SYNPR: variants seen among roughly 807,000 people sequenced by gnomAD.
SYNPR encodes synaptoporin.
SYNPR carries 23 observed loss-of-function variants against 32.9 expected under a neutral mutation model. The observed-to-expected ratio is 0.70, with a 90% CI of 0.50 to 0.99. The LOEUF (loss-of-function observed/expected upper bound fraction) is 0.99, where lower values mean the gene tolerates loss of function less well. SYNPR is among the 50% of genes least tolerant of loss of function. The probability of loss-of-function intolerance (pLI) is 0.00; values close to 1 mark genes in which losing one functional copy is unlikely to be tolerated. For missense variants in SYNPR, 318 were observed against 349.3 expected (o/e 0.91, Z 0.71); for synonymous variants, 146 against 135.9 (o/e 1.07, Z -0.52).
At chr3:63,303,610 A>C (rs2106944142) in intron 2 of SYNPR, among the ~76,000 whole-genome samples, 1 of 152,148 alleles carries the variant, frequency 6.6e-6, no homozygotes, top group Non-Finnish European at 1.5e-5. Context: ...TGAATCTGTA[A>C]ATATTTATAC....
At chr3:63,443,180 G>A in intron 2 of SYNPR, 2 of 1,245,054 alleles carry the variant, frequency 1.6e-6, no homozygotes, top group South Asian at 2.2e-5. Flanking sequence ...CCAGAGGGGA[G>A]TATCAGGTTC....
chr3:63,259,156 G>C (rs554456442), intron 2 of SYNPR, among the ~76,000 whole-genome samples: 1 of 152,236 alleles, frequency 6.6e-6, no homozygotes, highest in South Asian at 2.1e-4. Flanking sequence ...AGGAAGAGCT[G>C]ATACCATTCC....
chr3:63,273,645 G>T (rs1214579240), upstream of SYNPR, among the ~76,000 whole-genome samples: 2 of 151,936 alleles, frequency 1.3e-5, no homozygotes, highest in Admixed American at 1.3e-4. Context: ...AATAGTAAAA[G>T]CATTTTATAA....
intron 3 of SYNPR, among the ~76,000 whole-genome samples, chr3:63,491,069 G>C (rs1433923805): frequency 1.3e-5 from 2 of 152,070 alleles, no homozygotes; most frequent in Non-Finnish European, 2.9e-5. Context: ...CCATCACCGT[G>C]TCAGCAGTCA....
At chr3:63,500,838 T>C (rs1402005856) in intron 3 of SYNPR, among the ~76,000 whole-genome samples, 2 of 152,104 alleles carry the variant, frequency 1.3e-5, no homozygotes, top group Non-Finnish European at 2.9e-5. Flanking sequence ...TTCAAATGAG[T>C]TAACAATTAT....
chr3:63,257,787 A>C (rs1339616281), intron 2 of SYNPR, among the ~76,000 whole-genome samples: 1 of 152,222 alleles, frequency 6.6e-6, no homozygotes, highest in Non-Finnish European at 1.5e-5. Context: ...TTGGATAAAG[A>C]GTCAAGACCC....
intron 2 of SYNPR, among the ~76,000 whole-genome samples, chr3:63,416,260 C>G (rs1349073217): frequency 6.6e-6 from 1 of 152,144 alleles, no homozygotes; most frequent in South Asian, 2.1e-4. Flanking sequence ...GCTGGCTACT[C>G]TGGCTCACGC....
At chr3:63,278,240 C>T (rs914902685), upstream of SYNPR, 4 of 379,326 alleles carry the variant, frequency 1.1e-5, no homozygotes, top group African/African-American at 8.3e-5. Context: ...CCAATGACAG[C>T]CTTCCCCTGG....
rs34219166 is a variant in SYNPR, at chr3:63,559,070, CTT to C, written c.408+2345_408+2346del. Among the ~76,000 whole-genome samples, 423 of 126,120 alleles carry C rather than the reference CTT, an allele frequency of 3.4e-3. 1 individual carries two copies. The highest frequency in any genetic ancestry group is 9.3e-3 in the African/African-American group (304 of 32,732). 82.7% of individuals were successfully genotyped at this position (126,120 alleles called of 152,430 possible). ...TTTTATTTTTAAATATCAATACTTT[CTT>C]TTTTTTTTTTTTTTTGAGACAGGAT... On this transcript the variant is annotated intron_variant, in intron 4 of 5. Transcript: ENST00000478300.
At chr3:63,340,725 C>T (rs1439499129) in intron 2 of SYNPR, among the ~76,000 whole-genome samples, 3 of 152,110 alleles carry the variant, frequency 2.0e-5, no homozygotes, top group Non-Finnish European at 4.4e-5. Flanking sequence ...GGCCAATGTA[C>T]TTTATTTTTT....
intron 4 of SYNPR, among the ~76,000 whole-genome samples, chr3:63,565,319 G>C (rs910933865): frequency 4.6e-5 from 7 of 152,136 alleles, no homozygotes; most frequent in Admixed American, 3.9e-4. Flanking sequence ...TTAAAGAACA[G>C]AAATTAATCT....
intron 2 of SYNPR, among the ~76,000 whole-genome samples, chr3:63,304,354 TTG>T (rs34570930): frequency 0.02 from 2,867 of 146,312 alleles, 63 homozygotes; most frequent in African/African-American, 0.053. Flanking sequence ...GTGTGTGTGT[TTG>T]TGTGTGTGTG....
At chr3:63,474,002 G>A (rs1392548487) in intron 2 of SYNPR, among the ~76,000 whole-genome samples, 2 of 152,176 alleles carry the variant, frequency 1.3e-5, no homozygotes, top group Non-Finnish European at 2.9e-5. Flanking sequence ...GGTTCAATAA[G>A]TTTATTTGGG....
intron 2 of SYNPR, among the ~76,000 whole-genome samples, chr3:63,380,066 T>A (rs894156666): frequency 6.6e-6 from 1 of 152,240 alleles, no homozygotes; most frequent in African/African-American, 2.4e-5. Context: ...ATGTGCCACA[T>A]TTTCTTAATC....
intron 2 of SYNPR, among the ~76,000 whole-genome samples, chr3:63,253,557 CA>C (rs1374978200): frequency 5.3e-5 from 8 of 152,146 alleles, no homozygotes; most frequent in African/African-American, 1.9e-4. Context: ...ATAAAAGATA[CA>C]TGAAAAAATG....
chr3:63,260,611 A>T lies in SYNPR; in HGVS notation n.155-6706A>T, dbSNP rs560934753. Among the ~76,000 whole-genome samples the T allele has an allele frequency of 3.7e-4, 56 of 152,360 alleles. 2 individuals are homozygous for T. Among genetic ancestry groups the T allele is most frequent in the African/African-American group, 1.3e-3 (55 of 41,586 alleles). ...ACTTAAATGTTAGATCTAAAACCATAAAAACCCTAGAAGAAAACCTAGGCA... is the reference window on the plus strand; with the variant it reads ...ACTTAAATGTTAGATCTAAAACCATTAAAACCCTAGAAGAAAACCTAGGCA... On this transcript the variant is annotated intron_variant and non_coding_transcript_variant, in intron 2 of 4. Transcript: ENST00000478456.
At chr3:63,361,966 C>T (rs1377486277) in intron 2 of SYNPR, among the ~76,000 whole-genome samples, 1 of 152,000 alleles carries the variant, frequency 6.6e-6, no homozygotes. Context: ...TGCCCATATG[C>T]AATTATTTAA....
At chr3:63,288,311 G>C (rs761065399) in intron 2 of SYNPR, among the ~76,000 whole-genome samples, 1 of 152,178 alleles carries the variant, frequency 6.6e-6, no homozygotes, top group Non-Finnish European at 1.5e-5. Flanking sequence ...GATCCTTTAA[G>C]TCATTAAGAG....
intron 3 of SYNPR, among the ~76,000 whole-genome samples, chr3:63,555,810 G>C (rs963287397): frequency 2.6e-5 from 4 of 152,138 alleles, no homozygotes; most frequent in African/African-American, 9.7e-5. Context: ...GATATTCACA[G>C]TTGAGTGGTC....
Sources: allele counts gnomAD v4.1 joint callset (sites outside exome capture counted in the v4.1 genomes callset), GRCh38; gene constraint gnomAD v4.1.1; transcripts MANE v1.5; gene names NCBI Gene and HGNC (gene_info 2026-07-23, HGNC 2026-07-21).